UMAD1: variants seen among roughly 807,000 people sequenced by gnomAD.
The protein encoded by UMAD1 is UBAP1-MVB12-associated (UMA) domain containing 1.
UMAD1 carries 8 observed loss-of-function variants against 6.1 expected under a neutral mutation model. The observed-to-expected ratio is 1.30, with a 90% CI of 0.76 to 2.35. The LOEUF is 2.35. UMAD1 is among the 30% of genes most tolerant of loss of function. The pLI is 0.00. For synonymous variants in UMAD1, 56 were observed against 31.4 expected (o/e 1.78, Z -2.61); for missense variants, 130 against 78.4 (o/e 1.66, Z -2.49).
intron 3 of UMAD1, among the ~76,000 whole-genome samples, chr7:7,829,687 A>G (rs893033161): frequency 1.3e-5 from 2 of 152,212 alleles, no homozygotes; most frequent in African/African-American, 4.8e-5. Flanking sequence ...AGCATTTTAC[A>G]AAACAATTTT....
At chr7:7,798,498 G>T (rs1004497386) in intron 2 of UMAD1, among the ~76,000 whole-genome samples, 1 of 152,204 alleles carries the variant, frequency 6.6e-6, no homozygotes, top group African/African-American at 2.4e-5. Flanking sequence ...TCTTGCATCA[G>T]TCAGAAGTAT....
chr7:7,773,908 A>G (rs773944515), intron 2 of UMAD1, among the ~76,000 whole-genome samples: 21 of 152,248 alleles, frequency 1.4e-4, no homozygotes, highest in Non-Finnish European at 2.9e-4. Context: ...ACGAGTCTAT[A>G]TTAGATTGGT....
chr7:7,841,512 C>G (rs1002768214), intron 3 of UMAD1, among the ~76,000 whole-genome samples: 1 of 152,050 alleles, frequency 6.6e-6, no homozygotes, highest in Non-Finnish European at 1.5e-5. Flanking sequence ...TTATGTTGCT[C>G]AGGCAGGTCT....
At chr7:7,843,331 G>A (rs1393477147) in intron 3 of UMAD1, among the ~76,000 whole-genome samples, 4 of 152,152 alleles carry the variant, frequency 2.6e-5, no homozygotes, top group Admixed American at 2.6e-4. Flanking sequence ...TCATTGGGTG[G>A]TTCTAGAACT....
intron 1 of UMAD1, among the ~76,000 whole-genome samples, chr7:7,672,540 G>A (rs533366862): frequency 6.6e-6 from 1 of 152,230 alleles, no homozygotes; most frequent in African/African-American, 2.4e-5. Context: ...CCCATGTGTC[G>A]AGGGCAGGAC....
intron 2 of UMAD1, among the ~76,000 whole-genome samples, chr7:7,674,400 C>G (rs528437728): frequency 2.2e-4 from 34 of 152,252 alleles, no homozygotes; most frequent in African/African-American, 8.2e-4. Flanking sequence ...TCTGTGAGAC[C>G]AGAATAGAGT....
intron 3 of UMAD1, among the ~76,000 whole-genome samples, chr7:7,873,052 A>AGC (rs1169488338): frequency 1.3e-5 from 2 of 152,234 alleles, no homozygotes; most frequent in African/African-American, 4.8e-5. Context: ...ACCTGTGCCG[A>AGC]GCACTGTTCT....
chr7:7,775,009 C>G (rs1782173947), intron 2 of UMAD1, among the ~76,000 whole-genome samples: 2 of 152,118 alleles, frequency 1.3e-5, no homozygotes, highest in African/African-American at 4.8e-5. Flanking sequence ...TTCTTTTAAT[C>G]TCCTCTACCG....
At chr7:7,845,147 G>A (rs1373833042) in intron 3 of UMAD1, among the ~76,000 whole-genome samples, 1 of 152,002 alleles carries the variant, frequency 6.6e-6, no homozygotes, top group Non-Finnish European at 1.5e-5. Flanking sequence ...CAAAGTCTTA[G>A]TGTCATAAAA....
At chr7:7,680,198 C>T (rs1315573531) in intron 2 of UMAD1, among the ~76,000 whole-genome samples, 4 of 152,024 alleles carry the variant, frequency 2.6e-5, no homozygotes, top group Non-Finnish European at 4.4e-5. Context: ...GTATTTTATC[C>T]ATTTTGATTT....
chr7:7,770,089 C>T (rs929115999), intron 2 of UMAD1, among the ~76,000 whole-genome samples: 7 of 152,108 alleles, frequency 4.6e-5, no homozygotes, highest in East Asian at 1.9e-4. Flanking sequence ...AAACTGGAAC[C>T]GCTGTTCTCA....
rs921623292 is a variant in UMAD1, at chr7:7,640,775, T to G, written c.-110T>G. On this transcript the variant is annotated 5_prime_UTR_variant, in exon 1 of 4. Coordinates refer to ENST00000682710, the MANE Select transcript of UMAD1 (RefSeq NM_001302348.2). ...GTGACTTGACCCCGGAAGTGGGGTG[T>G]GAAGCTCCGGTGCTGGTGCGGCGGG... 1 of 233,304 alleles carries G rather than the reference T, an allele frequency of 4.3e-6. No individual in the cohort carries two copies. Among genetic ancestry groups the G allele is most frequent in the Non-Finnish European group, 8.6e-6 (1 of 116,184 alleles). 14.5% of individuals were successfully genotyped at this position (233,304 alleles called of 1,614,324 possible).
chr7:7,731,094 G>T (rs1218900150), intron 2 of UMAD1, among the ~76,000 whole-genome samples: 1 of 152,164 alleles, frequency 6.6e-6, no homozygotes, highest in Non-Finnish European at 1.5e-5. Context: ...CGCCTCCCGG[G>T]TTCCAGCAAT....
intron 1 of UMAD1, among the ~76,000 whole-genome samples, chr7:7,673,026 G>A (rs1779645829): frequency 6.6e-6 from 1 of 152,200 alleles, no homozygotes. Context: ...CGTGTTATCT[G>A]TTGATTTGAG....
chr7:7,781,421 C>T (rs1462860457), intron 2 of UMAD1, among the ~76,000 whole-genome samples: 2 of 151,834 alleles, frequency 1.3e-5, no homozygotes, highest in Non-Finnish European at 2.9e-5. Context: ...CTGGAAAAAT[C>T]ACTGGAGATC....
intron 1 of UMAD1, among the ~76,000 whole-genome samples, chr7:7,659,706 G>A (rs1241872004): frequency 1.3e-5 from 2 of 152,196 alleles, no homozygotes; most frequent in Non-Finnish European, 2.9e-5. Flanking sequence ...TTCCTGAGGA[G>A]TGTTTTACTT....
rs143264794 is a variant in UMAD1 at position 7,832,988 on chromosome 7, C to G, written c.156+31245C>G. Among the ~76,000 whole-genome samples, 9 of 152,214 alleles carry G rather than the reference C, an allele frequency of 5.9e-5. No individual in the cohort carries two copies. In the East Asian group the frequency reaches 1.7e-3, roughly 29 times the overall value. On this transcript the variant is annotated intron_variant, in intron 3 of 3. Transcript: ENST00000682710. ...TTGTCTGAGCAGAGGATTGGATCTACTAGAACATAGGTTCAGAAAAGAGTG... is the reference window on the plus strand; with the variant it reads ...TTGTCTGAGCAGAGGATTGGATCTAGTAGAACATAGGTTCAGAAAAGAGTG...
intron 2 of UMAD1, among the ~76,000 whole-genome samples, chr7:7,713,710 C>G (rs1427163628): frequency 6.6e-6 from 1 of 152,068 alleles, no homozygotes; most frequent in Non-Finnish European, 1.5e-5. Context: ...TTTAAAAATT[C>G]TAATATGTTC....
At chr7:7,823,672 G>A (rs7785003) in intron 3 of UMAD1, among the ~76,000 whole-genome samples, 17,318 of 151,800 alleles carry the variant, frequency 0.11, 1,057 homozygotes, top group East Asian at 0.21. Flanking sequence ...TTTTATTTTT[G>A]AAAAACATAT....
Sources: gnomAD v4.1 joint callset for allele counts (sites outside exome capture counted in the v4.1 genomes callset) on GRCh38, gnomAD v4.1.1 for gene constraint, MANE v1.5 for transcripts, NCBI Gene and HGNC (gene_info 2026-07-23, HGNC 2026-07-21) for gene names.